The following SH3RF1 variants were observed in gnomAD, a reference collection of about 807,000 sequenced individuals.
The protein encoded by SH3RF1 is SH3 domain containing ring finger 1.
A neutral mutation model predicts 74.0 loss-of-function variants in SH3RF1; 32 were observed. The observed-to-expected ratio is 0.43, with a 90% CI of 0.33 to 0.58. The LOEUF is 0.58. Among genes scored for constraint, SH3RF1 ranks in the 20% least tolerant of loss-of-function variants. The pLI, the probability that SH3RF1 is intolerant of heterozygous loss-of-function variation, is 0.05. For missense variants in SH3RF1, 954 were observed against 1,130.9 expected, an observed-to-expected ratio of 0.84 and a Z score of 2.24; for synonymous variants, 396 against 439.6, an observed-to-expected ratio of 0.90 and a Z score of 1.24.
chr4:169,250,219 C>T (rs560936562), intron 2 of SH3RF1, among the ~76,000 whole-genome samples: 2 of 151,986 alleles, frequency 1.3e-5, no homozygotes, highest in South Asian at 4.2e-4. Context: ...CACTGAAGTA[C>T]ACCAATGCTG....
chr4:169,190,849 C>A (rs1261549291), intron 2 of SH3RF1, among the ~76,000 whole-genome samples: 1 of 152,142 alleles, frequency 6.6e-6, no homozygotes, highest in Non-Finnish European at 1.5e-5. Flanking sequence ...CCAAATCCAA[C>A]AACATATCAA....
chr4:169,105,224 T>C (rs1415607137), intron 11 of SH3RF1, among the ~76,000 whole-genome samples: 2 of 152,082 alleles, frequency 1.3e-5, no homozygotes, highest in Non-Finnish European at 2.9e-5. Context: ...ACAGAGGAAA[T>C]GAAGCTTACA....
intron 2 of SH3RF1, among the ~76,000 whole-genome samples, chr4:169,218,232 C>A (rs1730497042): frequency 7.1e-6 from 1 of 139,894 alleles, no homozygotes; most frequent in African/African-American, 2.6e-5. Flanking sequence ...TAAACATATT[C>A]TGTCTATAAT....
intron 2 of SH3RF1, among the ~76,000 whole-genome samples, chr4:169,199,988 C>T (rs947248360): frequency 3.3e-5 from 5 of 152,004 alleles, no homozygotes; most frequent in African/African-American, 1.2e-4. Flanking sequence ...AGAAAATATT[C>T]CAGGCAAATA....
At chr4:169,119,865 T>A (rs1279877583) in intron 8 of SH3RF1, among the ~76,000 whole-genome samples, 1 of 152,154 alleles carries the variant, frequency 6.6e-6, no homozygotes, top group Non-Finnish European at 1.5e-5. Flanking sequence ...CGGCCGGTGG[T>A]CAAAAACTAG....
At chr4:169,134,534 A>C (rs1182606328) in intron 5 of SH3RF1, among the ~76,000 whole-genome samples, 2 of 152,192 alleles carry the variant, frequency 1.3e-5, no homozygotes, top group African/African-American at 2.4e-5. Context: ...TCATTGTGCA[A>C]ATGTTGCTAG....
chr4:169,249,486 G>A (rs1731062055), intron 2 of SH3RF1, among the ~76,000 whole-genome samples: 1 of 152,154 alleles, frequency 6.6e-6, no homozygotes, highest in Admixed American at 6.5e-5. Context: ...AATAAATTTG[G>A]GGTATATTTG....
At chr4:169,210,576 T>C (rs577117903) in intron 2 of SH3RF1, among the ~76,000 whole-genome samples, 13 of 152,344 alleles carry the variant, frequency 8.5e-5, no homozygotes, top group African/African-American at 3.1e-4. Context: ...TATTTTCTTT[T>C]CATAATAACA....
At chr4:169,128,323 G>A (rs1484830891) in intron 6 of SH3RF1, among the ~76,000 whole-genome samples, 1 of 152,152 alleles carries the variant, frequency 6.6e-6, no homozygotes, top group East Asian at 1.9e-4. Flanking sequence ...TTCACTAAAA[G>A]TTAACTGAAA....
intron 2 of SH3RF1, among the ~76,000 whole-genome samples, chr4:169,223,473 A>G (rs1338990307): frequency 1.3e-5 from 2 of 152,240 alleles, no homozygotes; most frequent in South Asian, 4.1e-4. Flanking sequence ...GAGGGAAACC[A>G]GAGCATGAGG....
At chr4:169,254,232 T>TA (rs1731148821) in intron 2 of SH3RF1, among the ~76,000 whole-genome samples, 1 of 152,240 alleles carries the variant, frequency 6.6e-6, no homozygotes, top group South Asian at 2.1e-4. Flanking sequence ...AAGAAGTATT[T>TA]ACTGAACTGA....
chr4:169,231,618 C>G (rs1730740033), intron 2 of SH3RF1, among the ~76,000 whole-genome samples: 1 of 151,916 alleles, frequency 6.6e-6, no homozygotes, highest in Non-Finnish European at 1.5e-5. Flanking sequence ...ATAAATTTCT[C>G]CTACACTCAA....
chr4:169,151,495 C>G (rs1291966510), intron 4 of SH3RF1, among the ~76,000 whole-genome samples: 4 of 152,146 alleles, frequency 2.6e-5, no homozygotes, highest in African/African-American at 9.7e-5. Context: ...CTCCAGAGTC[C>G]AAGCTTTCTC....
chr4:169,269,063 G>C lies in SH3RF1; in HGVS notation c.150C>G (p.Pro50=), dbSNP rs1449250352. The C allele has an allele frequency of 6.2e-7, 1 of 1,614,118 alleles. No homozygotes were observed. The highest frequency in any genetic ancestry group is 8.5e-7 in the Non-Finnish European group (1 of 1,180,018). The change falls in exon 2 of 12, where the codon CCC becomes CCG. Residue 50 remains proline (P), a synonymous_variant. Coordinates refer to ENST00000284637, the MANE Select transcript of SH3RF1 (RefSeq NM_020870.4). ...CCGAGCCAACAAGAGTCCTGCACTC[G>C]GGACATCTGAGTTCATTTCGAGAAC... ...IVGSRNELRC[P]ECRTLVGSGV... is the part of the protein sequence containing the mutation.
intron 2 of SH3RF1, among the ~76,000 whole-genome samples, chr4:169,266,903 G>C (rs1421752660): frequency 6.6e-6 from 1 of 152,204 alleles, no homozygotes; most frequent in African/African-American, 2.4e-5. Context: ...CCCCAGCAAA[G>C]TAACAGACAT....
At chr4:169,113,002 C>G (rs1175997274) in intron 10 of SH3RF1, among the ~76,000 whole-genome samples, 1 of 152,034 alleles carries the variant, frequency 6.6e-6, no homozygotes, top group African/African-American at 2.4e-5. Flanking sequence ...CTCCAGGGTA[C>G]AGAGAAAAAT....
chr4:169,265,632 C>T (rs1731340180), intron 2 of SH3RF1, among the ~76,000 whole-genome samples: 1 of 152,078 alleles, frequency 6.6e-6, no homozygotes, highest in Admixed American at 6.5e-5. Context: ...TGCCACCACA[C>T]CCGGCTAATT....
chr4:169,180,740 G>A (rs1734496624), intron 2 of SH3RF1, among the ~76,000 whole-genome samples: 1 of 152,074 alleles, frequency 6.6e-6, no homozygotes, highest in African/African-American at 2.4e-5. Context: ...TCAGATTACT[G>A]TGTACTTGAA....
chr4:169,166,039 T>C (rs1323239863), intron 2 of SH3RF1, among the ~76,000 whole-genome samples: 2 of 152,184 alleles, frequency 1.3e-5, no homozygotes, highest in African/African-American at 4.8e-5. Context: ...ACCTTAGTGA[T>C]GTGTAGGGAG....
Sources: gnomAD v4.1 joint callset for allele counts (sites outside exome capture counted in the v4.1 genomes callset) on GRCh38, gnomAD v4.1.1 for gene constraint, MANE v1.5 for transcripts, NCBI Gene and HGNC (gene_info 2026-07-23, HGNC 2026-07-21) for gene names.